CAMK4: variants seen among roughly 807,000 people sequenced by gnomAD.
The protein encoded by CAMK4 is calcium/calmodulin dependent protein kinase IV.
CAMK4 carries 22 observed loss-of-function variants against 44.9 expected under a neutral mutation model. The ratio of observed to expected loss-of-function variants is 0.49; its 90% CI spans 0.35 to 0.70. CAMK4 has a LOEUF of 0.70. Among genes scored for constraint, CAMK4 ranks in the 30% least tolerant of loss-of-function variants. CAMK4 has a pLI of 0.01. For synonymous variants in CAMK4, 218 were observed against 215.4 expected, an observed-to-expected ratio of 1.01 and a Z score of -0.11; for missense variants, 498 against 586.8, an observed-to-expected ratio of 0.85 and a Z score of 1.56.
chr5:111,469,059 G>T (rs1354431716), intron 7 of CAMK4, among the ~76,000 whole-genome samples: 1 of 147,894 alleles, frequency 6.8e-6, no homozygotes, highest in Non-Finnish European at 1.5e-5. Flanking sequence ...CACGAGAAGC[G>T]CTTGAACCCA....
chr5:111,424,427 T>C (rs1315482948), intron 5 of CAMK4, among the ~76,000 whole-genome samples: 2 of 148,650 alleles, frequency 1.3e-5, no homozygotes, highest in East Asian at 3.9e-4. Flanking sequence ...TATATGCATC[T>C]TCTATTCTTT....
intron 1 of CAMK4, among the ~76,000 whole-genome samples, chr5:111,268,158 G>A (rs1352989067): frequency 2.0e-5 from 3 of 152,182 alleles, no homozygotes; most frequent in Non-Finnish European, 4.4e-5. Context: ...GGACACATTA[G>A]ATCCATTGGG....
At chr5:111,369,138 T>C (rs1266991482) in intron 2 of CAMK4, among the ~76,000 whole-genome samples, 1 of 151,670 alleles carries the variant, frequency 6.6e-6, no homozygotes, top group Non-Finnish European at 1.5e-5. Context: ...CAAGCTCAGC[T>C]CACTGCAACC....
intron 1 of CAMK4, among the ~76,000 whole-genome samples, chr5:111,251,197 C>T (rs1300898583): frequency 6.6e-6 from 1 of 152,188 alleles, no homozygotes. Context: ...TGGAAAGGCT[C>T]TTGGGTTGTA....
rs570048763 is a variant in CAMK4 at position 111,361,497 on chromosome 5, G to A, written c.241-13353G>A. On this transcript the variant is annotated intron_variant, in intron 2 of 10. Transcript: ENST00000282356. ...TTTAAAAATCTTGGTCATATGAAAT[G>A]GTCATAAAAATTACCAAAATTACTG... 4.0e-5 allele frequency among the ~76,000 whole-genome samples: 6 copies of A among 151,874 alleles called. No individual in the cohort carries two copies. In the East Asian group the frequency reaches 1.2e-3, roughly 30 times the overall value.
intron 5 of CAMK4, chr5:111,416,469 T>G (rs1002448621): frequency 1.3e-5 from 2 of 152,176 alleles, no homozygotes; most frequent in Non-Finnish European, 2.9e-5. Flanking sequence ...TACAAATGAG[T>G]AAAATGTATG....
rs1753590259 is a variant in CAMK4 at position 111,434,819 on chromosome 5, A to G, written c.460-11867A>G. 2.0e-5 allele frequency among the ~76,000 whole-genome samples: 3 copies of G among 152,156 alleles called. No individual in the cohort carries two copies. The South Asian group carries it at 6.2e-4, about 32-fold the overall frequency. ...AGAAAAGAGTAAATTCATGTAGTTT[A>G]ATTTTTCTTTCCATCAAGAAAACTG... On this transcript the variant is annotated intron_variant, in intron 5 of 10. Coordinates refer to ENST00000282356, the MANE Select transcript of CAMK4 (RefSeq NM_001744.6).
intron 1 of CAMK4, among the ~76,000 whole-genome samples, chr5:111,251,766 A>G (rs1749505592): frequency 6.6e-6 from 1 of 152,230 alleles, no homozygotes; most frequent in South Asian, 2.1e-4. Context: ...ATGGCAGGGA[A>G]AGTTCAATAT....
chr5:111,469,160 AAAAAAAAAAAAAATATAT>A (rs1754959327), intron 7 of CAMK4, among the ~76,000 whole-genome samples: 3 of 91,440 alleles, frequency 3.3e-5, no homozygotes, highest in African/African-American at 1.6e-4. Flanking sequence ...AAAAAAAAAA[AAAAAAAAAAAAAATATAT>A]ATATATATAT....
At chr5:111,438,331 C>T (rs1753714965) in intron 5 of CAMK4, among the ~76,000 whole-genome samples, 1 of 152,164 alleles carries the variant, frequency 6.6e-6, no homozygotes, top group South Asian at 2.1e-4. Context: ...CTTTAATTCT[C>T]AAACCGCTAG....
chr5:111,354,223 C>T (rs1430080642), intron 2 of CAMK4, among the ~76,000 whole-genome samples: 1 of 151,972 alleles, frequency 6.6e-6, no homozygotes, highest in Non-Finnish European at 1.5e-5. Flanking sequence ...TTACAAATTA[C>T]ATGTGTAATT....
rs143131183 is a variant in CAMK4 at position 111,325,855 on chromosome 5, G to A, written c.162-18169G>A. On this transcript the variant is annotated intron_variant, in intron 1 of 10. Coordinates refer to ENST00000282356, the MANE Select transcript of CAMK4 (RefSeq NM_001744.6). ...TGTTCACTCTGATGAGTGAACCATG[G>A]GATAAAGCCATGGGATAAAGAAAAT... Among the ~76,000 whole-genome samples, 435 of 151,930 alleles carry A rather than the reference G, an allele frequency of 2.9e-3. 1 individual carries two copies. The highest frequency in any genetic ancestry group is 3.2e-3 in the Non-Finnish European group (219 of 67,938).
chr5:111,278,777 C>T (rs1750879430), intron 1 of CAMK4, among the ~76,000 whole-genome samples: 1 of 152,170 alleles, frequency 6.6e-6, no homozygotes, highest in Admixed American at 6.5e-5. Flanking sequence ...GCAAAGAAAC[C>T]ACTCCATCCT....
At chr5:111,429,363 C>A (rs1323185337) in intron 5 of CAMK4, among the ~76,000 whole-genome samples, 2 of 152,022 alleles carry the variant, frequency 1.3e-5, no homozygotes, top group Non-Finnish European at 2.9e-5. Context: ...CAACTACATG[C>A]CAATAAATTG....
At chr5:111,365,421 A>C (rs1479197758) in intron 2 of CAMK4, among the ~76,000 whole-genome samples, 1 of 152,118 alleles carries the variant, frequency 6.6e-6, no homozygotes, top group Non-Finnish European at 1.5e-5. Context: ...AGAATGTTGA[A>C]TGAACCATCC....
chr5:111,316,822 A>G (rs779372363), intron 1 of CAMK4, among the ~76,000 whole-genome samples: 1 of 152,198 alleles, frequency 6.6e-6, no homozygotes, highest in Non-Finnish European at 1.5e-5. Context: ...GAATAGCAAC[A>G]TTCTAACCTG....
chr5:111,410,038 C>T (rs577593367), intron 5 of CAMK4, among the ~76,000 whole-genome samples: 59 of 152,316 alleles, frequency 3.9e-4, no homozygotes, highest in African/African-American at 1.4e-3. Context: ...TCTGAGCCCT[C>T]TAAACTCTTT....
chr5:111,355,706 T>G, intron 2 of CAMK4, among the ~76,000 whole-genome samples: 1 of 146,392 alleles, frequency 6.8e-6, no homozygotes. Flanking sequence ...CCTGTGTCCA[T>G]GTGCTCTCAT....
At chr5:111,372,871 A>C (rs1751064803) in intron 2 of CAMK4, among the ~76,000 whole-genome samples, 1 of 152,088 alleles carries the variant, frequency 6.6e-6, no homozygotes, top group Non-Finnish European at 1.5e-5. Context: ...ATGTACAGTC[A>C]CTAGAGTTAG....
Sources: gnomAD v4.1 joint callset for allele counts (sites outside exome capture counted in the v4.1 genomes callset) on GRCh38, gnomAD v4.1.1 for gene constraint, MANE v1.5 for transcripts, NCBI Gene and HGNC (gene_info 2026-07-23, HGNC 2026-07-21) for gene names.